Variants in AGBL1 observed in about 807,000 individuals in gnomAD.
AGBL1 encodes cytosolic carboxypeptidase 4.
In AGBL1, 130 loss-of-function variants were observed where a neutral mutation model predicts 118.9. The ratio of observed to expected loss-of-function variants is 1.09; its 90% confidence interval spans 0.95 to 1.26. The LOEUF is 1.26. Ranked by LOEUF, AGBL1 falls within the 50% of genes most tolerant of loss-of-function variation. AGBL1 has a pLI of 0.00. For missense variants in AGBL1, 1,584 were observed against 1,298.1 expected (o/e 1.22, Z -3.38); for synonymous variants, 555 against 478.9 (o/e 1.16, Z -2.08).
At chr15:86,790,909 C>A (rs956753426) in intron 22 of AGBL1, among the ~76,000 whole-genome samples, 8 of 151,678 alleles carry the variant, frequency 5.3e-5, no homozygotes, top group African/African-American at 1.9e-4. Flanking sequence ...AACACTAAAA[C>A]AAGAATAATA....
chr15:86,533,940 T>C (rs1193809525), intron 19 of AGBL1, among the ~76,000 whole-genome samples: 3 of 84,250 alleles, frequency 3.6e-5, no homozygotes, highest in African/African-American at 1.5e-4. Flanking sequence ...GGAAGGGGAA[T>C]ATCACACTCT....
In AGBL1 at chr15:86,270,006, G is replaced by A. The variant is rs755553306; in HGVS notation, c.1926G>A (p.Ala642=). Residue 642 remains alanine, a synonymous_variant, in exon 14 of 23, where the codon GCG becomes GCA. Transcript: ENST00000614907. ...ATTTCAAAGTGAGCGGTATGCAGGC[G>A]GCCATCCCTTACCACTTCAACATCA... The part of the protein sequence containing the change: ...WFYFKVSGMQ[A]AIPYHFNIIN... The A allele has an allele frequency of 7.1e-5, 114 of 1,613,488 alleles. 4 individuals are homozygous for A. The Middle Eastern group carries it at 2.8e-3, about 40-fold the overall frequency.
intron 15 of AGBL1, among the ~76,000 whole-genome samples, chr15:86,274,953 AC>A (rs1291029936): frequency 6.6e-6 from 1 of 150,854 alleles, no homozygotes; most frequent in Non-Finnish European, 1.5e-5. Flanking sequence ...GCTCTTCCCC[AC>A]CTTGATGACC....
At chr15:86,648,848 C>G (rs1315243205) in intron 21 of AGBL1, among the ~76,000 whole-genome samples, 2 of 152,090 alleles carry the variant, frequency 1.3e-5, no homozygotes, top group Non-Finnish European at 2.9e-5. Flanking sequence ...TAAGAACTGG[C>G]TATCAGATTT....
At chr15:86,709,717 T>C (rs1349138917) in intron 22 of AGBL1, among the ~76,000 whole-genome samples, 5 of 152,172 alleles carry the variant, frequency 3.3e-5, no homozygotes, top group Admixed American at 6.6e-5. Flanking sequence ...CATGGTGTGA[T>C]GGAAACCATA....
At chr15:86,378,154 A>G (rs954406323) in intron 17 of AGBL1, among the ~76,000 whole-genome samples, 1 of 152,228 alleles carries the variant, frequency 6.6e-6, no homozygotes, top group East Asian at 1.9e-4. Flanking sequence ...TGCATAATAC[A>G]GCAAAGAAAG....
At chr15:86,968,961 G>C (rs1433447) in intron 23 of AGBL1, among the ~76,000 whole-genome samples, 2 of 151,470 alleles carry the variant, frequency 1.3e-5, no homozygotes, top group Admixed American at 6.6e-5. Context: ...TAACCTTGTC[G>C]CCACACAAAG....
At chr15:86,822,638 C>A (rs781510348) in intron 22 of AGBL1, among the ~76,000 whole-genome samples, 39 of 151,982 alleles carry the variant, frequency 2.6e-4, no homozygotes, top group Non-Finnish European at 4.7e-4. Flanking sequence ...CCTAAAAGTC[C>A]AAGGAAGCTG....
chr15:86,328,192 G>C (rs2080214560), intron 17 of AGBL1, among the ~76,000 whole-genome samples: 1 of 152,116 alleles, frequency 6.6e-6, no homozygotes, highest in Non-Finnish European at 1.5e-5. Context: ...CTAAACATGA[G>C]AGATCAAGTT....
intron 20 of AGBL1, among the ~76,000 whole-genome samples, chr15:86,549,665 A>G (rs1233109531): frequency 6.6e-6 from 1 of 152,106 alleles, no homozygotes; most frequent in Non-Finnish European, 1.5e-5. Context: ...AGTAGAAACA[A>G]GAGTGGGCCA....
chr15:86,904,807 A>T (rs2141588438), intron 22 of AGBL1, among the ~76,000 whole-genome samples: 1 of 147,346 alleles, frequency 6.8e-6, no homozygotes, highest in Middle Eastern at 3.6e-3. Flanking sequence ...TCCACAAAAG[A>T]TGATTCAAAT....
At chr15:86,286,727 T>TTGTGTGTGTG (rs1410855813) in intron 16 of AGBL1, among the ~76,000 whole-genome samples, 1 of 80,416 alleles carries the variant, frequency 1.2e-5, no homozygotes, top group African/African-American at 6.5e-5. Context: ...GTGTGTGTGT[T>TTGTGTGTGTG]TGTGTGTGTA....
At chr15:86,989,660 AT>A (rs1164324530) in intron 24 of AGBL1, among the ~76,000 whole-genome samples, 1 of 152,176 alleles carries the variant, frequency 6.6e-6, no homozygotes, top group African/African-American at 2.4e-5. Context: ...AGATTTTATT[AT>A]TTTTTTAAAA....
chr15:86,419,138 G>A (rs750821071), intron 18 of AGBL1, among the ~76,000 whole-genome samples: 1 of 151,832 alleles, frequency 6.6e-6, no homozygotes, highest in Non-Finnish European at 1.5e-5. Flanking sequence ...GCTTTCAGGG[G>A]TTAAACGGCA....
intron 22 of AGBL1, among the ~76,000 whole-genome samples, chr15:86,732,403 A>C (rs2077537960): frequency 6.6e-6 from 1 of 152,196 alleles, no homozygotes; most frequent in South Asian, 2.1e-4. Flanking sequence ...GTAACTATGT[A>C]GCTGCCCTTG....
At chr15:86,437,068 G>A (rs2082008845) in intron 18 of AGBL1, among the ~76,000 whole-genome samples, 1 of 151,542 alleles carries the variant, frequency 6.6e-6, no homozygotes, top group South Asian at 2.1e-4. Context: ...TATTTTTAAA[G>A]CAGCTTCTCC....
intron 23 of AGBL1, among the ~76,000 whole-genome samples, chr15:86,977,489 T>C (rs1245413645): frequency 4.0e-5 from 6 of 151,802 alleles, no homozygotes; most frequent in East Asian, 1.9e-4. Context: ...TAGAGATTAA[T>C]TTATGCCATT....
At chr15:86,220,887 T>G (rs1366096366) in intron 5 of AGBL1, among the ~76,000 whole-genome samples, 2 of 152,056 alleles carry the variant, frequency 1.3e-5, no homozygotes, top group African/African-American at 4.8e-5. Context: ...AAGAAAACAG[T>G]GCCCTCCCAA....
chr15:86,177,252 A>G (rs903192424), intron 5 of AGBL1, among the ~76,000 whole-genome samples: 2 of 152,230 alleles, frequency 1.3e-5, no homozygotes, highest in African/African-American at 2.4e-5. Flanking sequence ...GAACAAACAA[A>G]AGTCCTAAAT....
Sources: gnomAD v4.1 joint callset for allele counts (sites outside exome capture counted in the v4.1 genomes callset) on GRCh38, gnomAD v4.1.1 for gene constraint, MANE v1.5 for transcripts, NCBI Gene and HGNC (gene_info 2026-07-23, HGNC 2026-07-21) for gene names.